PCDH19: variants seen among roughly 807,000 people sequenced by gnomAD.
PCDH19 encodes protocadherin-19.
In PCDH19, 6 loss-of-function variants were observed where a neutral mutation model predicts 46.2. That is an observed-to-expected ratio of 0.13 (90% confidence interval 0.07 to 0.26). The LOEUF (loss-of-function observed/expected upper bound fraction) is 0.26, where lower values mean the gene tolerates loss of function less well. Ranked by LOEUF, PCDH19 falls within the 10% of genes least tolerant of loss-of-function variation. The pLI, the probability that PCDH19 is intolerant of heterozygous loss-of-function variation, is 1.00. For missense variants in PCDH19, 740 were observed against 972.3 expected (o/e 0.76, Z 3.18); for synonymous variants, 481 against 415.7 (o/e 1.16, Z -1.91).
rs1320346027 is a variant in PCDH19, at chrX:100,406,797, C to T, written c.1801G>A (p.Gly601Ser). 1.7e-6 allele frequency: 2 copies of T among 1,210,086 alleles called. No individual in the cohort carries two copies. The highest frequency in any genetic ancestry group is 1.7e-5 in the African/African-American group (1 of 57,179). The change falls in exon 1 of 6, where the codon GGC becomes AGC. Residue 601 changes from glycine (G) to serine (S), a missense_variant. Physicochemically the swap from Gly to Ser is moderately conservative, Grantham distance 56 (BLOSUM62 0). Transcript: ENST00000373034. Reference sequence around the variant, plus strand: ...TCGGTCATGTCGTAGGTGACTCGGCCATTTTCGCCCTCATCGTAGTCTTCT... The same window carrying T: ...TCGGTCATGTCGTAGGTGACTCGGCTATTTTCGCCCTCATCGTAGTCTTCT... ...KAEDYDEGEN[G>S]RVTYDMTEGD...
At chrX:100,345,861 A>G (rs968981001) in intron 4 of PCDH19, among the ~76,000 whole-genome samples, 1 of 111,973 alleles carries the variant, frequency 8.9e-6, no homozygotes, top group African/African-American at 3.2e-5. Flanking sequence ...TAGTGGTTTA[A>G]TGAATGGATT....
At chrX:100,328,126 A>G (rs1925753193) in intron 5 of PCDH19, among the ~76,000 whole-genome samples, 2 of 112,189 alleles carry the variant, frequency 1.8e-5, no homozygotes, top group African/African-American at 6.5e-5. Flanking sequence ...TAGTCAGTCA[A>G]TTCCTCATCT....
chrX:100,369,585 A>G lies in PCDH19; in HGVS notation c.2617-18881T>C, dbSNP rs764515792. On this transcript the variant is annotated intron_variant, in intron 3 of 5. Transcript: ENST00000373034. ...AGCCAAACACTAAGAAGAATGTGTC[A>G]TGCTTTTGTGAAAGTTTAGTTTTAG... 7.1e-5 allele frequency among the ~76,000 whole-genome samples: 8 copies of G among 112,542 alleles called. No individual in the cohort carries two copies. The South Asian group carries it at 2.9e-3, about 41-fold the overall frequency.
At position 100,406,949 on chromosome X, in the gene PCDH19, C is replaced by T. The variant is rs749194972; in HGVS notation, c.1649G>A (p.Arg550Gln). 5.0e-6 allele frequency: 6 copies of T among 1,211,688 alleles called. No individual in the cohort carries two copies. The highest frequency in any genetic ancestry group is 6.7e-6 in the Non-Finnish European group (6 of 895,467). The change falls in exon 1 of 6, where the codon CGG becomes CAG. Residue 550 changes from arginine to glutamine, a missense_variant. By Grantham distance (43) the Arg-to-Gln change is conservative (BLOSUM62 1). Around this residue, in one of 5 missense-constraint regions of PCDH19, gnomAD observed 186 missense variants for 319.9 expected, o/e 0.58. Transcript: ENST00000373034. The stretch of plus-strand genomic sequence containing the variant: ...GTCGTTGACGTCGAGGATGATGACC[C>T]GCACCGTAGCGTTGCTTTGCAGTGA... The part of the protein sequence containing the change: ...LPSLQSNATV[R>Q]VIILDVNDNT...
chrX:100,372,416 G>A (rs936089852), intron 3 of PCDH19, among the ~76,000 whole-genome samples: 1 of 111,871 alleles, frequency 8.9e-6, no homozygotes, highest in Admixed American at 9.5e-5. Context: ...GCAATAGAAA[G>A]CCTTTCTTCC....
intron 3 of PCDH19, among the ~76,000 whole-genome samples, chrX:100,376,762 C>G (rs1335404500): frequency 8.9e-6 from 1 of 111,842 alleles, no homozygotes; most frequent in Admixed American, 9.5e-5. Context: ...GCATCTGGAA[C>G]AGTGCCTGGC....
At chrX:100,398,744 C>T (rs760891103) in intron 3 of PCDH19, among the ~76,000 whole-genome samples, 4 of 111,936 alleles carry the variant, frequency 3.6e-5, no homozygotes, top group Non-Finnish European at 7.5e-5. Flanking sequence ...TGATCTAATG[C>T]CATGGTGATA....
intron 3 of PCDH19, among the ~76,000 whole-genome samples, chrX:100,396,005 C>T (rs757679016): frequency 2.7e-5 from 3 of 111,897 alleles, no homozygotes; most frequent in Non-Finnish European, 5.6e-5. Flanking sequence ...GCCTCTTCTC[C>T]GTGGGGGAAA....
intron 4 of PCDH19, among the ~76,000 whole-genome samples, chrX:100,342,469 T>A (rs1392853641): frequency 8.9e-6 from 1 of 112,043 alleles, no homozygotes; most frequent in Non-Finnish European, 1.9e-5. Context: ...GTTTTAAGTG[T>A]TTGACATTAA....
In PCDH19 at chrX:100,350,649, T is replaced by C. The variant is rs1602600451; in HGVS notation, c.2672A>G (p.Lys891Arg). The C allele has an allele frequency of 8.5e-7, 1 of 1,182,442 alleles. No individual in the cohort carries two copies. Residue 891 changes from lysine to arginine, a missense_variant, in exon 4 of 6, where the codon AAG (lysine) becomes AGG (arginine). Physicochemically the swap from Lys to Arg is conservative, Grantham distance 26. Transcript: ENST00000373034. Reference sequence around the variant, plus strand: ...ATAAGCAAGCAAACCAACATACCTCTTGATTAAATGGGCTCGGCTATTCAC... The same window carrying C: ...ATAAGCAAGCAAACCAACATACCTCCTGATTAAATGGGCTCGGCTATTCAC... ...NYVNSRAHLI[K>R]SSSTFKDLEG...
chrX:100,347,188 GCCTATGAGAA>G (rs1926430116), intron 4 of PCDH19, among the ~76,000 whole-genome samples: 1 of 111,170 alleles, frequency 9.0e-6, no homozygotes, highest in Admixed American at 9.6e-5. Flanking sequence ...CTTGATTTGT[GCCTATGAGAA>G]CCCCCTTGCC....
At chrX:100,392,649 TG>T (rs1342014473) in intron 3 of PCDH19, among the ~76,000 whole-genome samples, 1 of 111,621 alleles carries the variant, frequency 9.0e-6, no homozygotes, top group Non-Finnish European at 1.9e-5. Flanking sequence ...GCCAGTCTTA[TG>T]AGTGCAGTGT....
chrX:100,336,449 T>G (rs1315761749), intron 5 of PCDH19, among the ~76,000 whole-genome samples: 1 of 112,055 alleles, frequency 8.9e-6, no homozygotes, highest in African/African-American at 3.2e-5. Context: ...CTACAGAACA[T>G]TTTCATGGCA....
chrX:100,379,249 C>T (rs1200488465), intron 3 of PCDH19, among the ~76,000 whole-genome samples: 1 of 107,048 alleles, frequency 9.3e-6, no homozygotes, highest in African/African-American at 3.4e-5. Context: ...ATTGGCAAAA[C>T]GAGTCCTTCC....
intron 5 of PCDH19, among the ~76,000 whole-genome samples, chrX:100,308,006 A>ACACCAC (rs1166197918): frequency 9.0e-6 from 1 of 110,996 alleles, no homozygotes; most frequent in African/African-American, 3.3e-5. Context: ...TCCCATCAAA[A>ACACCAC]CACCACCATT....
chrX:100,392,300 T>TGTG (rs1927886445), intron 3 of PCDH19, among the ~76,000 whole-genome samples: 1 of 112,397 alleles, frequency 8.9e-6, no homozygotes, highest in African/African-American at 3.2e-5. Flanking sequence ...TCTAAAGAAT[T>TGTG]ACCAGTAAAG....
At chrX:100,373,552 G>A (rs1024472929) in intron 3 of PCDH19, among the ~76,000 whole-genome samples, 5 of 112,273 alleles carry the variant, frequency 4.5e-5, no homozygotes, top group Non-Finnish European at 9.4e-5. Context: ...CTTTTTTAAG[G>A]AAGAGAAAGA....
chrX:100,314,234 G>A (rs1172827032), intron 5 of PCDH19, among the ~76,000 whole-genome samples: 1 of 111,513 alleles, frequency 9.0e-6, no homozygotes, highest in African/African-American at 3.3e-5. Context: ...TGCTTGAGAA[G>A]CATTTTTGTA....
chrX:100,328,536 T>C (rs1351494808), intron 5 of PCDH19, among the ~76,000 whole-genome samples: 1 of 111,172 alleles, frequency 9.0e-6, no homozygotes, highest in East Asian at 2.8e-4. Flanking sequence ...AAAGCACACA[T>C]CTAACCCCCT....
Sources: allele counts gnomAD v4.1 joint callset (sites outside exome capture counted in the v4.1 genomes callset), GRCh38; gene constraint gnomAD v4.1.1; regional missense constraint gnomAD v4.1.1; transcripts MANE v1.5; gene names NCBI Gene and HGNC (gene_info 2026-07-23, HGNC 2026-07-21).